Variants in KITLG observed in about 807,000 individuals in gnomAD.
KITLG encodes the protein c-Kit ligand.
A neutral mutation model predicts 34.1 loss-of-function variants in KITLG; 13 were observed. That is an observed-to-expected ratio of 0.38 (90% CI 0.25 to 0.61). The LOEUF (loss-of-function observed/expected upper bound fraction) is 0.61, where lower values mean the gene tolerates loss of function less well. Ranked by LOEUF, KITLG falls within the 20% of genes least tolerant of loss-of-function variation. The pLI, the probability that KITLG is intolerant of heterozygous loss-of-function variation, is 0.60. For synonymous variants in KITLG, 110 were observed against 104.0 expected (o/e 1.06, Z -0.35); for missense variants, 292 against 318.9 (o/e 0.92, Z 0.64).
intron 6 of KITLG, among the ~76,000 whole-genome samples, chr12:88,513,016 TCTTA>T (rs1421148608): frequency 1.3e-5 from 2 of 151,852 alleles, no homozygotes; most frequent in Non-Finnish European, 3.0e-5. Context: ...TTTCTTCTTC[TCTTA>T]CTTTAAAATA....
Position 88,571,548 on chromosome 12 carries a change from T to C in KITLG, c.15+8716A>G, listed in dbSNP as rs375634830. Among the ~76,000 whole-genome samples, 3 of 152,312 alleles carry C rather than the reference T, an allele frequency of 2.0e-5. No individual in the cohort carries two copies. In the East Asian group the frequency reaches 5.8e-4, roughly 29 times the overall value. On this transcript the variant is annotated intron_variant, in intron 1 of 9. Coordinates refer to ENST00000644744, the MANE Select transcript of KITLG (RefSeq NM_000899.5). Reference sequence around the variant, plus strand: ...GCCAGTCATGCACCAAACACATTTGTGTGTATAACAGACCTAGCACAATTG... The same window carrying C: ...GCCAGTCATGCACCAAACACATTTGCGTGTATAACAGACCTAGCACAATTG...
At chr12:88,537,498 T>A (rs1027791124) in intron 2 of KITLG, among the ~76,000 whole-genome samples, 7 of 148,892 alleles carry the variant, frequency 4.7e-5, no homozygotes, top group Admixed American at 1.4e-4. Context: ...GAAGACAGGG[T>A]TAAAAAAACT....
chr12:88,556,676 G>A (rs1380565263), intron 1 of KITLG, among the ~76,000 whole-genome samples: 1 of 152,174 alleles, frequency 6.6e-6, no homozygotes, highest in Non-Finnish European at 1.5e-5. Flanking sequence ...AAGAGAAGAG[G>A]CAGCAGGAGT....
intron 6 of KITLG, among the ~76,000 whole-genome samples, chr12:88,512,657 A>G (rs1566020164): frequency 6.6e-6 from 1 of 151,894 alleles, no homozygotes; most frequent in African/African-American, 2.4e-5. Flanking sequence ...GACCCTGTAC[A>G]TACAGGGTAA....
chr12:88,557,128 A>G (rs1871121350), intron 1 of KITLG, among the ~76,000 whole-genome samples: 1 of 152,210 alleles, frequency 6.6e-6, no homozygotes, highest in African/African-American at 2.4e-5. Flanking sequence ...CACAGCCCTG[A>G]AAGAGTGGGA....
chr12:88,549,738 G>A (rs2120922633), intron 1 of KITLG, among the ~76,000 whole-genome samples: 1 of 152,218 alleles, frequency 6.6e-6, no homozygotes, highest in South Asian at 2.1e-4. Context: ...ATATAAATAT[G>A]ATAACCTTCC....
At chr12:88,503,813 A>T (rs1021657541) in intron 9 of KITLG, among the ~76,000 whole-genome samples, 1 of 152,116 alleles carries the variant, frequency 6.6e-6, no homozygotes, top group Non-Finnish European at 1.5e-5. Context: ...TATAATGCAT[A>T]ATTATTACTA....
intron 1 of KITLG, among the ~76,000 whole-genome samples, chr12:88,566,440 T>C (rs532961935): frequency 6.6e-6 from 1 of 152,318 alleles, no homozygotes. Context: ...TGATAAGTGA[T>C]ATGATTGTTT....
At chr12:88,526,649 G>A (rs1009726628) in intron 3 of KITLG, among the ~76,000 whole-genome samples, 1 of 152,104 alleles carries the variant, frequency 6.6e-6, no homozygotes, top group African/African-American at 2.4e-5. Context: ...CTACTCTGAG[G>A]AGTGCGATGA....
chr12:88,541,444 C>T (rs1870514983), intron 2 of KITLG, among the ~76,000 whole-genome samples: 1 of 152,080 alleles, frequency 6.6e-6, no homozygotes, highest in African/African-American at 2.4e-5. Flanking sequence ...AGTTAAATTG[C>T]CTCAAATGAA....
At chr12:88,510,592 G>A (rs1179330815) in intron 6 of KITLG, among the ~76,000 whole-genome samples, 1 of 152,282 alleles carries the variant, frequency 6.6e-6, no homozygotes, top group East Asian at 1.9e-4. Flanking sequence ...TTTAGGTACT[G>A]TCTGCAAGAA....
intron 1 of KITLG, among the ~76,000 whole-genome samples, chr12:88,563,735 C>T (rs1262593358): frequency 5.3e-5 from 8 of 152,058 alleles, no homozygotes; most frequent in Non-Finnish European, 1.2e-4. Flanking sequence ...CCAAGGTGGG[C>T]GGATCACCTA....
chr12:88,532,537 A>G (rs751944420), intron 2 of KITLG, 34 bp from the exon 3 acceptor site: 2 of 1,368,212 alleles, frequency 1.5e-6, no homozygotes, highest in Non-Finnish European at 2.1e-6. Flanking sequence ...CCATAAGAAA[A>G]TTCTTATACA....
intron 1 of KITLG, among the ~76,000 whole-genome samples, chr12:88,563,557 T>G (rs1016605908): frequency 2.0e-5 from 3 of 152,222 alleles, no homozygotes; most frequent in African/African-American, 7.2e-5. Flanking sequence ...TAATCATGAC[T>G]AAGTGGCAAG....
intron 1 of KITLG, among the ~76,000 whole-genome samples, chr12:88,560,173 C>A (rs1472585582): frequency 2.6e-5 from 4 of 152,124 alleles, no homozygotes; most frequent in African/African-American, 9.7e-5. Flanking sequence ...ACTCACAAGC[C>A]AATTGGCAGA....
intron 3 of KITLG, among the ~76,000 whole-genome samples, chr12:88,525,437 C>A (rs74500326): frequency 6.6e-6 from 1 of 152,068 alleles, no homozygotes; most frequent in African/African-American, 2.4e-5. Context: ...TTTTGAGGAG[C>A]GACTATATGC....
At chr12:88,544,329 G>A (rs1358386252) in intron 2 of KITLG, among the ~76,000 whole-genome samples, 1 of 152,060 alleles carries the variant, frequency 6.6e-6, no homozygotes, top group Non-Finnish European at 1.5e-5. Flanking sequence ...GAGGCTAGAA[G>A]GGGTCAAGTG....
rs373073381 is a variant in KITLG, at chr12:88,580,366, G to A, written c.-88C>T. On this transcript the variant is annotated 5_prime_UTR_variant, in exon 1 of 10. Coordinates refer to ENST00000644744, the MANE Select transcript of KITLG (RefSeq NM_000899.5). ...GGAGCTCCAGCATATTGCACGAACA[G>A]CGGCGGCAGATAGTCCACGCATTGG... 213 of 1,496,870 alleles carry A rather than the reference G, an allele frequency of 1.4e-4. No homozygotes were observed. The highest frequency in any genetic ancestry group is 1.9e-4 in the Non-Finnish European group (203 of 1,086,798). The allele number at this position is 1,496,870 out of a possible 1,614,324, so 92.7% of individuals were successfully genotyped here. A position where few individuals can be genotyped will look rare whatever the true frequency, so the allele number is the denominator to read the frequency against.
At chr12:88,536,717 A>T (rs1160031803) in intron 2 of KITLG, among the ~76,000 whole-genome samples, 1 of 152,184 alleles carries the variant, frequency 6.6e-6, no homozygotes, top group Non-Finnish European at 1.5e-5. Context: ...AATCATTCTC[A>T]GTAAACTAAC....
Sources: allele counts gnomAD v4.1 joint callset (sites outside exome capture counted in the v4.1 genomes callset), GRCh38; gene constraint gnomAD v4.1.1; transcripts MANE v1.5; gene names NCBI Gene and HGNC (gene_info 2026-07-23, HGNC 2026-07-21).